The following E2F8 variants were observed in gnomAD, a reference collection of about 807,000 sequenced individuals.
E2F8 encodes the protein E2F transcription factor 8, also known as transcription factor E2F8.
E2F8 carries 35 observed loss-of-function variants against 80.8 expected under a neutral mutation model. The observed-to-expected ratio is 0.43, with a 90% confidence interval of 0.33 to 0.57. The LOEUF is 0.57. E2F8 is among the 20% of genes least tolerant of loss of function. The pLI, the probability that E2F8 is intolerant of heterozygous loss-of-function variation, is 0.04. For synonymous variants in E2F8, 386 were observed against 395.0 expected (o/e 0.98, Z 0.27); for missense variants, 975 against 1,056.2 (o/e 0.92, Z 1.07).
At chr11:19,240,482 C>T (rs77219414) in intron 1 of E2F8, 66 bp downstream of exon 1, 3,557 of 163,946 alleles carry the variant, frequency 0.022, 133 homozygotes, top group African/African-American at 0.08. Flanking sequence ...AGTGACAGCC[C>T]TCTCCCATCT....
intron 6 of E2F8, among the ~76,000 whole-genome samples, chr11:19,232,728 G>A (rs1428248380): frequency 6.6e-6 from 1 of 152,162 alleles, no homozygotes; most frequent in African/African-American, 2.4e-5. Flanking sequence ...AGAATTTTAT[G>A]AGCAGAGAAG....
intron 4 of E2F8, among the ~76,000 whole-genome samples, chr11:19,235,509 T>C (rs1200201088): frequency 2.6e-5 from 4 of 151,572 alleles, no homozygotes; most frequent in Admixed American, 6.6e-5. Flanking sequence ...ATTAGCCGGG[T>C]GTGGTGGCGG....
chr11:19,237,458 C>T lies in E2F8; in HGVS notation c.307G>A (p.Gly103Arg). The T allele has an allele frequency of 6.2e-7, 1 of 1,613,542 alleles. No individual in the cohort carries two copies. Among genetic ancestry groups the T allele is most frequent in the South Asian group, 1.1e-5 (1 of 90,994 alleles). Residue 103 changes from glycine (G) to arginine (R), a missense_variant, in exon 4 of 13, where the codon GGA becomes AGA. Transcript: ENST00000250024. ...AKDCIHEHLS[G>R]DEFEKSQPSR... The stretch of plus-strand genomic sequence containing the variant: ...GGTTGGGATTTCTCAAATTCATCTC[C>T]AGATAAGTGTTCCTACAAAGGAAAA...
intron 12 of E2F8, 122 bp from the exon 13 acceptor site, chr11:19,224,962 A>C: frequency 7.8e-7 from 1 of 1,278,642 alleles, no homozygotes; most frequent in South Asian, 1.5e-5. Flanking sequence ...GTATCTTGAA[A>C]TTGGCGAGGG....
chr11:19,225,331 C>T lies in E2F8; in HGVS notation c.2311G>A (p.Ala771Thr), dbSNP rs779733441. Residue 771 changes from alanine to threonine, a missense_variant, in exon 12 of 13, where the codon GCA becomes ACA. Coordinates refer to ENST00000250024, the MANE Select transcript of E2F8 (RefSeq NM_024680.4). ...VSPRIESVNV[A>T]PENAGTQQGR... The stretch of plus-strand genomic sequence containing the variant: ...TGCTGAGTGCCTGCATTTTCTGGTG[C>T]GACATTAACAGACTCTATTCTTGGA... 13 of 1,614,008 alleles carry T rather than the reference C, an allele frequency of 8.1e-6. No individual in the cohort carries two copies. The highest frequency in any genetic ancestry group is 1.7e-5 in the Admixed American group (1 of 59,986).
chr11:19,234,399 C>T lies in E2F8; in HGVS notation c.889G>A (p.Glu297Lys), dbSNP rs1204287233. The stretch of plus-strand genomic sequence containing the variant: ...TTATCCAAATCTTCCACATGGTCCT[C>T]CCCAATTAAAATCTTGGCAGCAACT... ...LEVAAKILIG[E>K]DHVEDLDKSK... Residue 297 changes from glutamate (E) to lysine (K), a missense_variant, in exon 6 of 13, where the codon GAG becomes AAG. Coordinates refer to ENST00000250024, the MANE Select transcript of E2F8 (RefSeq NM_024680.4). 3.1e-6 allele frequency: 5 copies of T among 1,614,168 alleles called. No homozygotes were observed. The highest frequency in any genetic ancestry group is 2.7e-5 in the African/African-American group (2 of 75,028).
intron 6 of E2F8, among the ~76,000 whole-genome samples, chr11:19,232,883 T>C (rs540112877): frequency 5.1e-4 from 77 of 152,200 alleles, no homozygotes; most frequent in Non-Finnish European, 9.4e-4. Flanking sequence ...AAAACATAGA[T>C]CTGTGAACTT....
Position 19,234,867 on chromosome 11 carries a change from C to T in E2F8, c.643G>A (p.Glu215Lys), listed in dbSNP as rs189617107. Residue 215 changes from glutamate (E) to lysine (K), a missense_variant, in exon 5 of 13, where the codon GAG (glutamate) becomes AAG (lysine). By Grantham distance (56) the Glu-to-Lys change is moderately conservative. Transcript: ENST00000250024. The part of the protein sequence containing the change: ...QIMMIKKKEY[E>K]QEFDFIKSYS... ...CTCTTAATAAAGTCAAACTCTTGCT[C>T]ATATTCTTTCTTTTTGATCATCATA... 6.2e-7 allele frequency: 1 copy of T among 1,614,194 alleles called. No homozygotes were observed. The highest frequency in any genetic ancestry group is 1.7e-5 in the Admixed American group (1 of 60,026).
rs2133563309 is a variant in E2F8 at position 19,230,564 on chromosome 11, G to A, written c.1270+67C>T. ...CTCTGACAACTATTGCAAGGATCAA[G>A]TAAGCTGAAAAAATGAGATAAAAGG... is the stretch of plus-strand genomic sequence containing the variant. On this transcript the variant is annotated intron_variant, in intron 8 of 12. Transcript: ENST00000250024. 19 of 1,546,660 alleles carry A rather than the reference G, an allele frequency of 1.2e-5. No individual in the cohort carries two copies. The South Asian group carries it at 2.2e-4, about 18-fold the overall frequency.
intron 3 of E2F8, 79 bp from the exon 4 acceptor site, chr11:19,237,549 C>G: frequency 1.4e-6 from 2 of 1,432,468 alleles, no homozygotes; most frequent in Non-Finnish European, 1.9e-6. Context: ...TGCTCGATGA[C>G]TGACACCAAC....
intron 6 of E2F8, among the ~76,000 whole-genome samples, chr11:19,232,995 T>C (rs1851420591): frequency 6.6e-6 from 1 of 152,194 alleles, no homozygotes; most frequent in Non-Finnish European, 1.5e-5. Context: ...CCTAGCCATA[T>C]CAGAAGGTTC....
In E2F8 at chr11:19,234,903, CGT is replaced by C; in HGVS notation, c.605_606del (p.Tyr202CysfsTer13). 1.2e-6 allele frequency: 2 copies of C among 1,614,182 alleles called. No individual in the cohort carries two copies. The highest frequency in any genetic ancestry group is 1.7e-6 in the Non-Finnish European group (2 of 1,180,046). On this transcript the variant is annotated frameshift_variant, in exon 5 of 13. Coordinates refer to ENST00000250024, the MANE Select transcript of E2F8 (RefSeq NM_024680.4). LOFTEE classifies it high-confidence loss of function. ...TTTTTGATCATCATAATCTGCTCGGCGTACTTATTCTCCTCCCCGATGCTCTT... is the reference window on the plus strand; with the variant it reads ...TTTTTGATCATCATAATCTGCTCGGCACTTATTCTCCTCCCCGATGCTCTT... The part of the protein sequence containing the change: ...TLKSIGEENK[Y>X]AEQIMMIKKK...
At position 19,224,710 on chromosome 11, in the gene E2F8, G is replaced by A; in HGVS notation, c.2552C>T (p.Thr851Ile). 4.3e-6 allele frequency: 7 copies of A among 1,614,210 alleles called. No individual in the cohort carries two copies. The highest frequency in any genetic ancestry group is 5.9e-6 in the Non-Finnish European group (7 of 1,180,038). The change falls in exon 13 of 13, where the codon ACT becomes ATT. Residue 851 changes from threonine (T) to isoleucine (I), a missense_variant. Coordinates refer to ENST00000250024, the MANE Select transcript of E2F8 (RefSeq NM_024680.4). Reference protein sequence around the residue: ...FEGANKTSLGTLFVPQRKLEV... With the variant: ...FEGANKTSLGILFVPQRKLEV... ...CAGTTTTCGCTGTGGGACAAAGAGA[G>A]TTCCTAAGGAGGTTTTATTAGCACC...
rs2133580581 is a variant in E2F8, at chr11:19,238,046, C to T, written c.102G>A (p.Glu34=). The T allele has an allele frequency of 1.2e-6, 2 of 1,614,202 alleles. No homozygotes were observed. The highest frequency in any genetic ancestry group is 4.5e-5 in the East Asian group (2 of 44,888). Residue 34 remains glutamate (E), a synonymous_variant, in exon 3 of 13, where the codon GAG becomes GAA. Transcript: ENST00000250024. ...TTAAAGGGCCAAAGTCAGGCTGGATCTCTGCCAACACGATATTTGCTGTGG... is the reference window on the plus strand; with the variant it reads ...TTAAAGGGCCAAAGTCAGGCTGGATTTCTGCCAACACGATATTTGCTGTGG... ...ESTTANIVLA[E]IQPDFGPLTT...
intron 4 of E2F8, among the ~76,000 whole-genome samples, chr11:19,236,005 A>G (rs1851509213): frequency 6.6e-6 from 1 of 152,196 alleles, no homozygotes; most frequent in South Asian, 2.1e-4. Context: ...TGGGTTTTCA[A>G]TATTCTGTAA....
rs1425081284 is a variant in E2F8 at position 19,225,230 on chromosome 11, C to T, written c.2412G>A (p.Gly804=). The change falls in exon 12 of 13, where the codon GGG becomes GGA. Residue 804 remains glycine, a synonymous_variant. Transcript: ENST00000250024. The stretch of plus-strand genomic sequence containing the variant: ...GTAGAAAGCCTCTCACCTGTTGTGC[C>T]CCTGTCACAGCAACTGATTGTCCAT... ...QPNGQSVAVT[G]AQQPVPVTPK... is the part of the protein sequence containing the mutation. 4 of 1,613,250 alleles carry T rather than the reference C, an allele frequency of 2.5e-6. No individual in the cohort carries two copies. The highest frequency in any genetic ancestry group is 1.7e-5 in the Admixed American group (1 of 60,024).
chr11:19,236,103 C>G (rs1216156813), intron 4 of E2F8, among the ~76,000 whole-genome samples: 1 of 152,156 alleles, frequency 6.6e-6, no homozygotes, highest in African/African-American at 2.4e-5. Context: ...CAATAAAACA[C>G]TATTTTAATA....
chr11:19,241,160 C>G (rs542098190), upstream of E2F8, among the ~76,000 whole-genome samples: 21 of 152,210 alleles, frequency 1.4e-4, no homozygotes, highest in Non-Finnish European at 1.9e-4. The surrounding 1 kb of genome is among the most constrained non-coding windows in gnomAD (Gnocchi z 4.5). Context: ...AAAGTCGGAC[C>G]GTGGCCGGCG....
intron 4 of E2F8, among the ~76,000 whole-genome samples, chr11:19,235,380 G>A (rs1307247953): frequency 3.9e-5 from 6 of 152,196 alleles, no homozygotes; most frequent in Non-Finnish European, 7.3e-5. Flanking sequence ...CGGGTGCGGT[G>A]GCTCACACCT....
Sources: gnomAD v4.1 joint callset for allele counts (sites outside exome capture counted in the v4.1 genomes callset) on GRCh38, gnomAD v4.1.1 for gene constraint, Gnocchi (gnomAD v3.1) non-coding constraint, MANE v1.5 for transcripts, NCBI Gene and HGNC (gene_info 2026-07-23, HGNC 2026-07-21) for gene names.